ABCG8: variants seen among roughly 807,000 people sequenced by gnomAD.
ABCG8 encodes the protein ATP binding cassette subfamily G member 8, also known as ATP-binding cassette sub-family G member 8.
Under a neutral mutation model 71.3 loss-of-function variants are expected in ABCG8, and 81 were observed. That is an observed-to-expected ratio of 1.14 (90% CI 0.95 to 1.37). The LOEUF (loss-of-function observed/expected upper bound fraction) is 1.37. Among genes scored for constraint, ABCG8 ranks in the 40% most tolerant of loss-of-function variants. The probability of loss-of-function intolerance (pLI) is 0.00; values close to 1 mark genes in which losing one functional copy is unlikely to be tolerated. For missense variants in ABCG8, 1,119 were observed against 866.2 expected (o/e 1.29, Z -3.66); for synonymous variants, 451 against 354.7 (o/e 1.27, Z -3.05).
intron 9 of ABCG8, 78 bp downstream of exon 9, chr2:43,874,064 G>A (rs570902631): frequency 4.8e-5 from 66 of 1,380,526 alleles, no homozygotes; most frequent in Admixed American, 2.7e-4. Flanking sequence ...CCTGGGGAGC[G>A]GGTTTGATTT....
At chr2:43,871,560 A>G (rs534071188) in intron 6 of ABCG8, among the ~76,000 whole-genome samples, 3 of 152,316 alleles carry the variant, frequency 2.0e-5, no homozygotes, top group African/African-American at 7.2e-5. Flanking sequence ...ACTTCTCCCC[A>G]TGGAGGGGCA....
chr2:43,841,451 G>C (rs1668578990), intron 1 of ABCG8, among the ~76,000 whole-genome samples: 1 of 152,186 alleles, frequency 6.6e-6, no homozygotes, highest in Non-Finnish European at 1.5e-5. Context: ...AAAATACAGA[G>C]AGTTTGTCAA....
At chr2:43,864,648 C>T (rs555400801) in intron 6 of ABCG8, among the ~76,000 whole-genome samples, 3 of 151,950 alleles carry the variant, frequency 2.0e-5, no homozygotes, top group Admixed American at 1.3e-4. Context: ...AGAGCTCTCA[C>T]TATCTGGATG....
At chr2:43,846,408 C>A (rs1009209574) in intron 3 of ABCG8, 97 bp downstream of exon 3, 8 of 1,536,958 alleles carry the variant, frequency 5.2e-6, no homozygotes, top group Non-Finnish European at 7.2e-6. Flanking sequence ...TCTTTGCTGA[C>A]TAGTAGAATA....
In ABCG8 at chr2:43,877,985, C is replaced by T; in HGVS notation, c.*72C>T. The T allele has an allele frequency of 6.2e-7, 1 of 1,604,072 alleles. No individual in the cohort carries two copies. The highest frequency in any genetic ancestry group is 8.5e-7 in the Non-Finnish European group (1 of 1,172,944). ...TCAACTGCACTCCCTCCTCAGGAGC[C>T]CCTTCCTGGGGACAGTGAGGACAAT... On this transcript the variant is annotated 3_prime_UTR_variant, in exon 13 of 13. Coordinates refer to ENST00000272286, the MANE Select transcript of ABCG8 (RefSeq NM_022437.3).
At chr2:43,867,235 T>C (rs1669561562) in intron 6 of ABCG8, among the ~76,000 whole-genome samples, 1 of 148,504 alleles carries the variant, frequency 6.7e-6, no homozygotes, top group Non-Finnish European at 1.5e-5. Context: ...CTGGGAGATA[T>C]ACCTAATGCT....
At chr2:43,852,220 C>A in intron 4 of ABCG8, 134 bp from the exon 5 acceptor site, 1 of 1,265,476 alleles carries the variant, frequency 7.9e-7, no homozygotes. Flanking sequence ...CAGCTTGGAA[C>A]TCAAGTGCTG....
intron 1 of ABCG8, among the ~76,000 whole-genome samples, chr2:43,841,874 A>G (rs1424309204): frequency 6.6e-6 from 1 of 152,044 alleles, no homozygotes; most frequent in East Asian, 1.9e-4. Context: ...CCTAAATCCG[A>G]CCTGGGGATG....
Position 43,850,029 on chromosome 2 carries a change from G to A in ABCG8, c.323-1555G>A, listed in dbSNP as rs538253661. Among the ~76,000 whole-genome samples, 8 of 152,104 alleles carry A rather than the reference G, an allele frequency of 5.3e-5. No homozygotes were observed. In the East Asian group the frequency reaches 5.8e-4, roughly 11 times the overall value. On this transcript the variant is annotated intron_variant, in intron 3 of 12. Coordinates refer to ENST00000272286, the MANE Select transcript of ABCG8 (RefSeq NM_022437.3). ...AGCCTGGCCAACATGGTGAAACCCC[G>A]TCGCTGCTAAAAATACAAAAATTAG...
chr2:43,841,075 G>A (rs75545500), intron 1 of ABCG8, among the ~76,000 whole-genome samples: 1 of 152,358 alleles, frequency 6.6e-6, no homozygotes, highest in African/African-American at 2.4e-5. Context: ...AGCAGGCAGA[G>A]CTGTGTGTGA....
chr2:43,871,827 C>A, intron 6 of ABCG8, 149 bp from the exon 7 acceptor site: 1 of 1,166,090 alleles, frequency 8.6e-7, no homozygotes, highest in Non-Finnish European at 1.2e-6. Flanking sequence ...CTCTGCTCTG[C>A]CCCTTGCTTC....
intron 3 of ABCG8, chr2:43,848,144 AAAC>A (rs1322815137): frequency 3.3e-5 from 5 of 152,180 alleles, no homozygotes; most frequent in African/African-American, 4.8e-5. Context: ...ACAAAAAACA[AAAC>A]AACAACAAAC....
At chr2:43,871,843 T>A in intron 6 of ABCG8, 133 bp from the exon 7 acceptor site, 1 of 1,320,994 alleles carries the variant, frequency 7.6e-7, no homozygotes. Context: ...GCTTCATGGC[T>A]GAGGGTGGGG....
At chr2:43,852,566 C>T (rs1333221305) in intron 5 of ABCG8, 33 bp from the exon 6 acceptor site, 4 of 1,614,030 alleles carry the variant, frequency 2.5e-6, no homozygotes, top group Admixed American at 1.7e-5. Flanking sequence ...CAGAGCCCCA[C>T]CGACTCACCA....
chr2:43,853,941 G>A (rs1034256708), intron 6 of ABCG8, among the ~76,000 whole-genome samples: 1 of 152,146 alleles, frequency 6.6e-6, no homozygotes, highest in Non-Finnish European at 1.5e-5. Flanking sequence ...CTCACAGAAA[G>A]GTCACCTCCC....
chr2:43,862,572 T>G, intron 6 of ABCG8, among the ~76,000 whole-genome samples: 1 of 131,530 alleles, frequency 7.6e-6, no homozygotes, highest in African/African-American at 2.5e-5. Flanking sequence ...CTCACTATGT[T>G]TCTGGATAGA....
chr2:43,875,085 G>A (rs146870334), intron 10 of ABCG8, 61 bp from the exon 11 acceptor site: 254 of 1,611,652 alleles, frequency 1.6e-4, no homozygotes, highest in Non-Finnish European at 1.9e-4. Context: ...ACTTTTAAAC[G>A]TTTATAATAA....
At chr2:43,867,150 A>G (rs1406700420) in intron 6 of ABCG8, among the ~76,000 whole-genome samples, 6 of 142,720 alleles carry the variant, frequency 4.2e-5, no homozygotes, top group African/African-American at 1.6e-4. Context: ...GAACAATGAG[A>G]AGACATGGAA....
rs1315797976 is a variant in ABCG8, at chr2:43,880,995, C to T, written c.*3082C>T. On this transcript the variant is annotated 3_prime_UTR_variant, in exon 13 of 13. Transcript: ENST00000272286. Reference sequence around the variant, plus strand: ...GGCCCACCACAACTTCCCCCCACCTCCTTGTCACTGTGGTCCCCTAATGGC... The same window carrying T: ...GGCCCACCACAACTTCCCCCCACCTTCTTGTCACTGTGGTCCCCTAATGGC... 2.0e-5 allele frequency: 3 copies of T among 152,324 alleles called. No individual in the cohort carries two copies. Among genetic ancestry groups the T allele is most frequent in the Admixed American group, 6.5e-5 (1 of 15,290 alleles). The allele number at this position is 152,324 out of a possible 1,614,324, so 9.4% of individuals were successfully genotyped here.
Sources: gnomAD v4.1 joint callset for allele counts (sites outside exome capture counted in the v4.1 genomes callset) on GRCh38, gnomAD v4.1.1 for gene constraint, MANE v1.5 for transcripts, NCBI Gene and HGNC (gene_info 2026-07-23, HGNC 2026-07-21) for gene names.